SYTL1: variants seen among roughly 807,000 people sequenced by gnomAD.
SYTL1 encodes synaptotagmin like 1, also known as synaptotagmin-like protein 1.
SYTL1 carries 53 observed loss-of-function variants against 74.6 expected under a neutral mutation model. The ratio of observed to expected loss-of-function variants is 0.71; its 90% confidence interval spans 0.57 to 0.89. SYTL1 has a LOEUF of 0.89. Ranked by LOEUF, SYTL1 falls within the 40% of genes least tolerant of loss-of-function variation. The pLI is 0.00. For missense variants in SYTL1, 728 were observed against 768.7 expected, an observed-to-expected ratio of 0.95 and a Z score of 0.63; for synonymous variants, 329 against 324.9, an observed-to-expected ratio of 1.01 and a Z score of -0.14.
In SYTL1 at chr1:27,351,475, C is replaced by A; in HGVS notation, c.1263C>A (p.Ser421Arg). 6.5e-7 allele frequency: 1 copy of A among 1,545,154 alleles called. No individual in the cohort carries two copies. The highest frequency in any genetic ancestry group is 8.7e-7 in the Non-Finnish European group (1 of 1,144,482). Reference protein sequence around the residue: ...AGSEGAGLPPSGELHFWVKEA... With the variant: ...AGSEGAGLPPRGELHFWVKEA... ...CCGCAGGCGCAGGACTGCCCCCGAG[C>A]GGGGAGCTGCACTTCTGGGTGAAGG... Residue 421 changes from serine (S) to arginine (R), a missense_variant, in exon 13 of 15, where the codon AGC becomes AGA. By Grantham distance (110) the Ser-to-Arg change is moderately radical (BLOSUM62 -1). Coordinates refer to ENST00000616558, the MANE Select transcript of SYTL1 (RefSeq NM_001193308.2). The surrounding 1 kb of genome is among the most constrained non-coding windows in gnomAD (Gnocchi z 5.0).
chr1:27,349,838 T>G lies in SYTL1; in HGVS notation c.747+73T>G, dbSNP rs747280816. 83 of 1,538,822 alleles carry G rather than the reference T, an allele frequency of 5.4e-5. 1 individual carries two copies. In the Middle Eastern group the frequency reaches 1.7e-3, roughly 32 times the overall value. Reference sequence around the variant, plus strand: ...CCGATGCGTAGCCCCTGCCTGCCCCTCCCTCGCCGCGGGACCCACCGCTGC... The same window carrying G: ...CCGATGCGTAGCCCCTGCCTGCCCCGCCCTCGCCGCGGGACCCACCGCTGC... On this transcript the variant is annotated intron_variant, in intron 8 of 14. Coordinates refer to ENST00000616558, the MANE Select transcript of SYTL1 (RefSeq NM_001193308.2).
chr1:27,347,851 G>A lies in SYTL1; in HGVS notation c.384G>A (p.Val128=). 1.2e-6 allele frequency: 2 copies of A among 1,614,030 alleles called. No homozygotes were observed. Among genetic ancestry groups the A allele is most frequent in the Non-Finnish European group, 8.5e-7 (1 of 1,179,952 alleles). The part of the protein sequence containing the change: ...PGHDREAEAA[V]KEKEEGPEPR... ...ACGACAGGGAGGCTGAGGCTGCTGT[G>A]AAAGAGAAGGAAGAGGGGCCAGAGC... The change falls in exon 4 of 15, where the codon GTG becomes GTA. Residue 128 remains valine, a synonymous_variant. Coordinates refer to ENST00000616558, the MANE Select transcript of SYTL1 (RefSeq NM_001193308.2). The surrounding 1 kb of genome is among the most constrained non-coding windows in gnomAD (Gnocchi z 4.9).
chr1:27,348,503 C>T lies in SYTL1; in HGVS notation c.459+491C>T, dbSNP rs1382763736. On this transcript the variant is annotated intron_variant, in intron 5 of 14. Coordinates refer to ENST00000616558, the MANE Select transcript of SYTL1 (RefSeq NM_001193308.2). This position sits in a 1 kb window ranked among gnomAD's most constrained non-coding sequence, Gnocchi z 4.1. ...AGCCGAGATCACCTGAGGTCAGGAGCTCAAGACCAGCCTGACTAACATGGA... is the reference window on the plus strand; with the variant it reads ...AGCCGAGATCACCTGAGGTCAGGAGTTCAAGACCAGCCTGACTAACATGGA... Among the ~76,000 whole-genome samples the T allele has an allele frequency of 6.6e-6, 1 of 151,952 alleles. No individual in the cohort carries two copies. The highest frequency in any genetic ancestry group is 1.5e-5 in the Non-Finnish European group (1 of 67,984).
chr1:27,346,190 C>T (rs905801746), intron 2 of SYTL1, among the ~76,000 whole-genome samples: 1 of 152,152 alleles, frequency 6.6e-6, no homozygotes, highest in Non-Finnish European at 1.5e-5. Flanking sequence ...TGCCAGCCCC[C>T]ACCATCTCCT....
Position 27,350,429 on chromosome 1 carries a change from C to T in SYTL1, c.949C>T (p.Arg317Cys), listed in dbSNP as rs376143341. The T allele has an allele frequency of 6.2e-7, 1 of 1,613,988 alleles. No individual in the cohort carries two copies. The highest frequency in any genetic ancestry group is 1.3e-5 in the African/African-American group (1 of 74,928). Residue 317 changes from arginine (R) to cysteine (C), a missense_variant, in exon 10 of 15, where the codon CGC (arginine) becomes TGC (cysteine). By Grantham distance (180) the Arg-to-Cys change is radical (BLOSUM62 -3). Coordinates refer to ENST00000616558, the MANE Select transcript of SYTL1 (RefSeq NM_001193308.2). The surrounding 1 kb of genome is among the most constrained non-coding windows in gnomAD (Gnocchi z 6.3). ...CCTCCTCCCGGATAAGCAGAGCAAG[C>T]GCAAGACGGCGGTGAAGAAACGGAA... ...SYLLPDKQSK[R>C]KTAVKKRNLN...
rs543326837 is a variant in SYTL1 at position 27,347,414 on chromosome 1, C to T, written c.192-7C>T. 4 of 1,614,034 alleles carry T rather than the reference C, an allele frequency of 2.5e-6. No individual in the cohort carries two copies. In the African/African-American group the frequency reaches 5.3e-5, roughly 22 times the overall value. On this transcript the variant is annotated splice_region_variant and splice_polypyrimidine_tract_variant and intron_variant, in intron 2 of 14. Coordinates refer to ENST00000616558, the MANE Select transcript of SYTL1 (RefSeq NM_001193308.2). This position sits in a 1 kb window ranked among gnomAD's most constrained non-coding sequence, Gnocchi z 4.9. ...TCATGACAGCCACACCCTCCCCCTT[C>T]CTCCAGCAAGCTCCGGGCCTCAGTG...
chr1:27,353,191 C>A, intron 13 of SYTL1, 92 bp from the exon 14 acceptor site: 1 of 1,303,500 alleles, frequency 7.7e-7, no homozygotes, highest in Non-Finnish European at 1.1e-6. Context: ...GGGACATGGA[C>A]ATATGTGAGA....
At position 27,351,782 on chromosome 1, in the gene SYTL1, T is replaced by C. The variant is rs1247588839; in HGVS notation, c.1343+227T>C. On this transcript the variant is annotated intron_variant, in intron 13 of 14. Transcript: ENST00000616558. The surrounding 1 kb of genome is among the most constrained non-coding windows in gnomAD (Gnocchi z 5.0). ...GCGCCTATAGGACTTGTTGAAAAGC[T>C]GAGGCTGAGGGCTGCAAGGGTCCTT... 1 of 459,236 alleles carries C rather than the reference T, an allele frequency of 2.2e-6. No individual in the cohort carries two copies. Among genetic ancestry groups the C allele is most frequent in the African/African-American group, 2.0e-5 (1 of 49,044 alleles). 28.4% of individuals were successfully genotyped at this position (459,236 alleles called of 1,614,324 possible). A position where few individuals can be genotyped will look rare whatever the true frequency, so the allele number is the denominator to read the frequency against.
Position 27,349,456 on chromosome 1 carries a change from C to G in SYTL1, c.591C>G (p.Pro197=), listed in dbSNP as rs1477794451. The G allele has an allele frequency of 6.9e-7, 1 of 1,453,342 alleles. No homozygotes were observed. The highest frequency in any genetic ancestry group is 1.5e-5 in the South Asian group (1 of 68,218). The allele number at this position is 1,453,342 out of a possible 1,614,324, so 90.0% of individuals were successfully genotyped here. ...CAEEADPELE[P]ASGGEQEPRP... is the part of the protein sequence containing the mutation. ...AGGAGGCTGACCCGGAGCTGGAGCCCGCGTCGGGGGGAGAGCAGGAGCCGC... is the reference window on the plus strand; with the variant it reads ...AGGAGGCTGACCCGGAGCTGGAGCCGGCGTCGGGGGGAGAGCAGGAGCCGC... The change falls in exon 7 of 15, where the codon CCC becomes CCG. Residue 197 remains proline (P), a synonymous_variant. Coordinates refer to ENST00000616558, the MANE Select transcript of SYTL1 (RefSeq NM_001193308.2).
chr1:27,350,061 C>T lies in SYTL1; in HGVS notation c.837C>T (p.Gly279=). ...ACTTCGCGCTGCACTACGAGCCGGG[C>T]GCCGCCGAGCTGCGCGTGCACGTGA... The part of the protein sequence containing the change: ...SVHFALHYEP[G]AAELRVHVIQ... Residue 279 remains glycine (G), a synonymous_variant, in exon 9 of 15, where the codon GGC becomes GGT. Coordinates refer to ENST00000616558, the MANE Select transcript of SYTL1 (RefSeq NM_001193308.2). The surrounding 1 kb of genome is among the most constrained non-coding windows in gnomAD (Gnocchi z 6.3). 1 of 1,506,312 alleles carries T rather than the reference C, an allele frequency of 6.6e-7. No individual in the cohort carries two copies. Among genetic ancestry groups the T allele is most frequent in the East Asian group, 2.7e-5 (1 of 36,590 alleles). 93.3% of individuals were successfully genotyped at this position (1,506,312 alleles called of 1,614,324 possible).
chr1:27,344,526 C>T (rs2148028105), intron 1 of SYTL1, among the ~76,000 whole-genome samples: 1 of 149,388 alleles, frequency 6.7e-6, no homozygotes, highest in East Asian at 2.2e-4. Context: ...CAGGCGTGAG[C>T]CACCGCGCCT....
Position 27,347,434 on chromosome 1 carries a change from TC to T in SYTL1, c.206del (p.Ser69Ter). 6.2e-7 allele frequency: 1 copy of T among 1,614,080 alleles called. No homozygotes were observed. Among genetic ancestry groups the T allele is most frequent in the Non-Finnish European group, 8.5e-7 (1 of 1,180,022 alleles). ...EEGRVSKLRA[S>X]VADPGQLKIL... Reference sequence around the variant, plus strand: ...CCCTTCCTCCAGCAAGCTCCGGGCCTCAGTGGCAGACCCTGGGCAGCTGAAG... The same window carrying T: ...CCCTTCCTCCAGCAAGCTCCGGGCCTAGTGGCAGACCCTGGGCAGCTGAAG... On this transcript the variant is annotated frameshift_variant, in exon 3 of 15. Transcript: ENST00000616558. LOFTEE classifies it high-confidence loss of function. The surrounding 1 kb of genome is among the most constrained non-coding windows in gnomAD (Gnocchi z 4.9).
chr1:27,345,733 G>C lies in SYTL1; in HGVS notation c.191+208G>C, dbSNP rs2014975050. 6.6e-6 allele frequency among the ~76,000 whole-genome samples: 1 copy of C among 151,132 alleles called. No homozygotes were observed. Among genetic ancestry groups the C allele is most frequent in the Non-Finnish European group, 1.5e-5 (1 of 67,894 alleles). On this transcript the variant is annotated intron_variant, in intron 2 of 14. Coordinates refer to ENST00000616558, the MANE Select transcript of SYTL1 (RefSeq NM_001193308.2). This position sits in a 1 kb window ranked among gnomAD's most constrained non-coding sequence, Gnocchi z 6.0. ...CGCCAGCCTCCCTGCCTCCAGGCTT[G>C]CCTCTTGGGCCCACCTCCTGCAGCT...
chr1:27,353,738 C>T lies in SYTL1; in HGVS notation c.1575C>T (p.Pro525=), dbSNP rs777084889. 1 of 1,613,950 alleles carries T rather than the reference C, an allele frequency of 6.2e-7. No individual in the cohort carries two copies. Among genetic ancestry groups the T allele is most frequent in the South Asian group, 1.1e-5 (1 of 91,080 alleles). ...GTGSSYGLQV[P]WMDSTPEEKQ... is the part of the protein sequence containing the mutation. ...GCAGCAGCTATGGGCTGCAGGTGCCCTGGATGGATTCCACACCTGAGGAGA... is the reference window on the plus strand; with the variant it reads ...GCAGCAGCTATGGGCTGCAGGTGCCTTGGATGGATTCCACACCTGAGGAGA... Residue 525 remains proline (P), a synonymous_variant, in exon 15 of 15, where the codon CCC becomes CCT. Coordinates refer to ENST00000616558, the MANE Select transcript of SYTL1 (RefSeq NM_001193308.2).
Position 27,351,036 on chromosome 1 carries a change from AC to A in SYTL1, c.1164+88del. 6.6e-7 allele frequency: 1 copy of A among 1,509,820 alleles called. No homozygotes were observed. The highest frequency in any genetic ancestry group is 9.0e-7 in the Non-Finnish European group (1 of 1,110,774). 93.5% of individuals were successfully genotyped at this position (1,509,820 alleles called of 1,614,324 possible). On this transcript the variant is annotated intron_variant, in intron 11 of 14. Transcript: ENST00000616558. This position sits in a 1 kb window ranked among gnomAD's most constrained non-coding sequence, Gnocchi z 5.0. ...CCAGGCTCTCCCGCAGCCCCCTCAC[AC>A]CCCGCCTTCGACAGAACCTCCCCTC...
At position 27,345,611 on chromosome 1, in the gene SYTL1, G is replaced by A. The variant is rs1365599120; in HGVS notation, c.191+86G>A. The A allele has an allele frequency of 1.6e-5, 15 of 942,080 alleles. No homozygotes were observed. Among genetic ancestry groups the A allele is most frequent in the Non-Finnish European group, 2.3e-5 (15 of 642,054 alleles). The allele number at this position is 942,080 out of a possible 1,614,324, so 58.4% of individuals were successfully genotyped here. A position where few individuals can be genotyped will look rare whatever the true frequency, so the allele number is the denominator to read the frequency against. ...TCCCTACCGACACCACTGCCTGTCAGATGTCTGCGTGGTTCTTGGTTTTGC... is the reference window on the plus strand; with the variant it reads ...TCCCTACCGACACCACTGCCTGTCAAATGTCTGCGTGGTTCTTGGTTTTGC... On this transcript the variant is annotated intron_variant, in intron 2 of 14. Transcript: ENST00000616558. This position sits in a 1 kb window ranked among gnomAD's most constrained non-coding sequence, Gnocchi z 6.0.
Position 27,343,541 on chromosome 1 carries a change from A to G in SYTL1, c.-39+1391A>G, listed in dbSNP as rs1277810726. On this transcript the variant is annotated intron_variant, in intron 1 of 14. Transcript: ENST00000616558. The surrounding 1 kb of genome is among the most constrained non-coding windows in gnomAD (Gnocchi z 5.2). The stretch of plus-strand genomic sequence containing the variant: ...GCCAGGGCAGGGTGGAGGTGGTGGC[A>G]GGAGGGGACCCAGGCTGTGAGGTTC... Among the ~76,000 whole-genome samples, 1 of 151,120 alleles carries G rather than the reference A, an allele frequency of 6.6e-6. No homozygotes were observed. Among genetic ancestry groups the G allele is most frequent in the Non-Finnish European group, 1.5e-5 (1 of 67,732 alleles).
rs747308044 is a variant in SYTL1, at chr1:27,353,263, C to T, written c.1344-20C>T. ...GGAGTGTGAGGGGGGTCACCTGATG[C>T]CAGGCCACCTCCCGCACAGCTTCGT... is the stretch of plus-strand genomic sequence containing the variant. On this transcript the variant is annotated intron_variant, in intron 13 of 14. Coordinates refer to ENST00000616558, the MANE Select transcript of SYTL1 (RefSeq NM_001193308.2). 2.4e-5 allele frequency: 37 copies of T among 1,568,874 alleles called. No homozygotes were observed. In the Admixed American group the frequency reaches 6.9e-4, roughly 29 times the overall value.
intron 13 of SYTL1, 90 bp from the exon 14 acceptor site, chr1:27,353,193 T>G: frequency 1.5e-6 from 2 of 1,313,134 alleles, no homozygotes; most frequent in Non-Finnish European, 2.1e-6. Flanking sequence ...GACATGGACA[T>G]ATGTGAGAGA....
Sources: allele counts gnomAD v4.1 joint callset (sites outside exome capture counted in the v4.1 genomes callset), GRCh38; gene constraint gnomAD v4.1.1; non-coding constraint Gnocchi (gnomAD v3.1); transcripts MANE v1.5; gene names NCBI Gene and HGNC (gene_info 2026-07-23, HGNC 2026-07-21).